The following FTO variants were observed in gnomAD, a reference collection of about 807,000 sequenced individuals.
FTO encodes FTO alpha-ketoglutarate dependent dioxygenase.
In FTO, 47 loss-of-function variants were observed where a neutral mutation model predicts 63.9. That is an observed-to-expected ratio of 0.74 (90% CI 0.58 to 0.94). The LOEUF is 0.94. FTO is among the 40% of genes least tolerant of loss of function. The probability of loss-of-function intolerance (pLI) is 0.00; values close to 1 mark genes in which losing one functional copy is unlikely to be tolerated. For synonymous variants in FTO, 207 were observed against 224.4 expected, an observed-to-expected ratio of 0.92 and a Z score of 0.69; for missense variants, 562 against 618.1, an observed-to-expected ratio of 0.91 and a Z score of 0.96.
intron 1 of FTO, among the ~76,000 whole-genome samples, chr16:53,716,980 T>C (rs1300175093): frequency 1.3e-5 from 2 of 151,530 alleles, no homozygotes; most frequent in African/African-American, 4.8e-5. Flanking sequence ...AAAGATAACT[T>C]GCATATTTTT....
chr16:54,062,813 T>C (rs752643173), intron 8 of FTO, among the ~76,000 whole-genome samples: 20 of 152,216 alleles, frequency 1.3e-4, no homozygotes, highest in Non-Finnish European at 2.1e-4. Flanking sequence ...GATAAGTAAC[T>C]GTGAAAGTGG....
rs192444158 is a variant in FTO at position 53,964,760 on chromosome 16, G to T, written c.1364+30651G>T. Among the ~76,000 whole-genome samples, 5 of 152,182 alleles carry T rather than the reference G, an allele frequency of 3.3e-5. No homozygotes were observed. In the East Asian group the frequency reaches 9.7e-4, roughly 29 times the overall value. On this transcript the variant is annotated intron_variant, in intron 8 of 8. Coordinates refer to ENST00000471389, the MANE Select transcript of FTO (RefSeq NM_001080432.3). ...GTTTCATAGAAAATAATGAATCATT[G>T]AATTGGTTATTACTCAACATTGTTA...
At chr16:53,903,140 A>C (rs1051286892) in intron 7 of FTO, among the ~76,000 whole-genome samples, 1 of 152,116 alleles carries the variant, frequency 6.6e-6, no homozygotes, top group African/African-American at 2.4e-5. Flanking sequence ...CAAAGTTATA[A>C]AAGCCTATGC....
At chr16:53,769,035 A>T in intron 1 of FTO, among the ~76,000 whole-genome samples, 1 of 152,188 alleles carries the variant, frequency 6.6e-6, no homozygotes, top group East Asian at 1.9e-4. Context: ...ATATAATTAC[A>T]TTGACTTTTG....
intron 5 of FTO, among the ~76,000 whole-genome samples, chr16:53,875,581 ACTGTGTGGAAGGTTATT>A (rs2080625474): frequency 6.6e-6 from 1 of 152,222 alleles, no homozygotes; most frequent in Non-Finnish European, 1.5e-5. Flanking sequence ...ACTAAAGTTC[ACTGTGTGGAAGGTTATT>A]CTGTCTTCAT....
intron 1 of FTO, among the ~76,000 whole-genome samples, chr16:53,802,285 C>T (rs1262322605): frequency 6.6e-6 from 1 of 151,916 alleles, no homozygotes; most frequent in African/African-American, 2.4e-5. Flanking sequence ...AATATAAATG[C>T]TATATAAATA....
chr16:53,724,555 G>A lies in FTO; in HGVS notation c.45+20326G>A, dbSNP rs1357175330. On this transcript the variant is annotated intron_variant, in intron 1 of 8. Coordinates refer to ENST00000471389, the MANE Select transcript of FTO (RefSeq NM_001080432.3). ...TTATTACTGTGTCCTGGGTTAGAGA[G>A]AATAGATATGAGGGCTAGCTCCTCC... Among the ~76,000 whole-genome samples the A allele has an allele frequency of 3.3e-5, 5 of 152,232 alleles. No homozygotes were observed. In the East Asian group the frequency reaches 9.6e-4, roughly 29 times the overall value.
chr16:53,880,123 T>C, intron 6 of FTO, 136 bp downstream of exon 6: 1 of 667,220 alleles, frequency 1.5e-6, no homozygotes, highest in South Asian at 1.7e-5. Context: ...AGCTCCCGAA[T>C]AGGTGGGACT....
At chr16:53,905,844 T>C (rs1440345169) in intron 7 of FTO, among the ~76,000 whole-genome samples, 1 of 152,224 alleles carries the variant, frequency 6.6e-6, no homozygotes, top group Non-Finnish European at 1.5e-5. Context: ...TTCATGGGTG[T>C]ACGCTCTCTC....
In FTO at chr16:53,984,321, C is replaced by CTTTTTT. The variant is rs5816913; in HGVS notation, c.1364+50234_1364+50239dup. On this transcript the variant is annotated intron_variant, in intron 8 of 8. Coordinates refer to ENST00000471389, the MANE Select transcript of FTO (RefSeq NM_001080432.3). ...CCTCTATCCCTCCCTTGGAATGGGT[C>CTTTTTT]TTTTTTTTTTTTTTTTTTTTTTTTT... 1.9e-4 allele frequency among the ~76,000 whole-genome samples: 13 copies of CTTTTTT among 67,314 alleles called. 1 individual carries two copies. Among genetic ancestry groups the CTTTTTT allele is most frequent in the African/African-American group, 2.8e-4 (5 of 17,976 alleles). The allele number at this position is 67,314 out of a possible 152,430, so 44.2% of individuals were successfully genotyped here. A position where few individuals can be genotyped will look rare whatever the true frequency, so the allele number is the denominator to read the frequency against.
intron 4 of FTO, among the ~76,000 whole-genome samples, chr16:53,845,151 T>A (rs1390519035): frequency 6.6e-6 from 1 of 152,218 alleles, no homozygotes; most frequent in Non-Finnish European, 1.5e-5. Context: ...GTAAACAGTA[T>A]CATTTTTTAC....
At chr16:53,883,804 TC>T (rs945863622) in intron 6 of FTO, among the ~76,000 whole-genome samples, 6 of 151,970 alleles carry the variant, frequency 3.9e-5, no homozygotes, top group African/African-American at 4.8e-5. Flanking sequence ...GTCTTCACCA[TC>T]CCCCCAATCT....
intron 8 of FTO, among the ~76,000 whole-genome samples, chr16:53,945,866 A>C (rs1438340386): frequency 6.6e-6 from 1 of 152,220 alleles, no homozygotes; most frequent in Non-Finnish European, 1.5e-5. Context: ...GGTGCCCTTA[A>C]GGTGAAAGGG....
At chr16:53,915,204 T>A (rs1056102730) in intron 7 of FTO, among the ~76,000 whole-genome samples, 1 of 152,208 alleles carries the variant, frequency 6.6e-6, no homozygotes, top group Non-Finnish European at 1.5e-5. Flanking sequence ...TTAAAAATTT[T>A]CCCTTTCTGC....
At chr16:53,850,436 T>C (rs899013649) in intron 4 of FTO, among the ~76,000 whole-genome samples, 2 of 152,194 alleles carry the variant, frequency 1.3e-5, no homozygotes, top group Non-Finnish European at 2.9e-5. Flanking sequence ...TGTGCTTTTT[T>C]ACTTGATATC....
intron 8 of FTO, among the ~76,000 whole-genome samples, chr16:53,967,635 T>C (rs918305808): frequency 3.3e-5 from 5 of 152,254 alleles, no homozygotes; most frequent in Admixed American, 6.5e-5. Context: ...CAAAGTGAAT[T>C]ATGCATGGAT....
At chr16:53,909,532 C>CTTTTTT (rs58121446) in intron 7 of FTO, among the ~76,000 whole-genome samples, 58 of 71,182 alleles carry the variant, frequency 8.1e-4, no homozygotes, top group African/African-American at 3.6e-3. Context: ...AGAGCCCCGC[C>CTTTTTT]TTTTTTTTTT....
chr16:53,723,193 G>A (rs957065861), intron 1 of FTO, among the ~76,000 whole-genome samples: 1 of 152,148 alleles, frequency 6.6e-6, no homozygotes, highest in South Asian at 2.1e-4. Context: ...ACAGTGAAAC[G>A]AGGTATTGAT....
At chr16:53,858,730 G>C (rs959297600) in intron 4 of FTO, among the ~76,000 whole-genome samples, 1 of 151,492 alleles carries the variant, frequency 6.6e-6, no homozygotes, top group African/African-American at 2.4e-5. Flanking sequence ...GTGGGATCTC[G>C]GCTCACTGCA....
Sources: allele counts gnomAD v4.1 joint callset (sites outside exome capture counted in the v4.1 genomes callset), GRCh38; gene constraint gnomAD v4.1.1; transcripts MANE v1.5; gene names NCBI Gene and HGNC (gene_info 2026-07-23, HGNC 2026-07-21).